ANKS1B: variants seen among roughly 807,000 people sequenced by gnomAD.
The protein encoded by ANKS1B is ankyrin repeat and sterile alpha motif domain-containing protein 1B.
A neutral mutation model predicts 148.3 loss-of-function variants in ANKS1B; 36 were observed. The ratio of observed to expected loss-of-function variants is 0.24; its 90% CI spans 0.19 to 0.32. The LOEUF (loss-of-function observed/expected upper bound fraction) is 0.32. ANKS1B is among the 10% of genes least tolerant of loss of function. The probability of loss-of-function intolerance (pLI) is 1.00; values close to 1 mark genes in which losing one functional copy is unlikely to be tolerated. For missense variants in ANKS1B, 1,157 were observed against 1,542.6 expected (o/e 0.75, Z 4.19); for synonymous variants, 542 against 560.8 (o/e 0.97, Z 0.47).
chr12:99,191,304 A>G (rs1218783264), intron 14 of ANKS1B, among the ~76,000 whole-genome samples: 1 of 152,236 alleles, frequency 6.6e-6, no homozygotes, highest in Non-Finnish European at 1.5e-5. Context: ...TCAAGGATCT[A>G]GAACCAGAAA....
chr12:99,671,392 C>CA (rs901150860), intron 8 of ANKS1B, among the ~76,000 whole-genome samples: 4 of 151,820 alleles, frequency 2.6e-5, no homozygotes, highest in African/African-American at 4.8e-5. Flanking sequence ...CATGTTTGAT[C>CA]AAAAAAATGT....
intron 17 of ANKS1B, among the ~76,000 whole-genome samples, chr12:98,834,883 G>C (rs962468901): frequency 1.2e-4 from 19 of 152,090 alleles, no homozygotes; most frequent in Admixed American, 7.2e-4. Flanking sequence ...CCTTTTCAAA[G>C]GTATTTTGCA....
chr12:99,859,281 A>G (rs921101813), intron 1 of ANKS1B, among the ~76,000 whole-genome samples: 2 of 152,248 alleles, frequency 1.3e-5, no homozygotes, highest in African/African-American at 4.8e-5. Flanking sequence ...TGCTGCTAAC[A>G]GTGAAGAACT....
rs1306863404 is a variant in ANKS1B at position 99,476,043 on chromosome 12, TAATC to T, written c.1438+28429_1438+28432del. Among the ~76,000 whole-genome samples, 7 of 152,256 alleles carry T rather than the reference TAATC, an allele frequency of 4.6e-5. No homozygotes were observed. In the East Asian group the frequency reaches 1.4e-3, roughly 29 times the overall value. On this transcript the variant is annotated intron_variant, in intron 10 of 26. Coordinates refer to ENST00000683438, the MANE Select transcript of ANKS1B (RefSeq NM_001352186.2). The stretch of plus-strand genomic sequence containing the variant: ...ATAGCCTGGGATAAGGGAGAATTCT[TAATC>T]AAGACAAGAAACCTAGAAGAAAGAA...
At chr12:98,737,064 G>C (rs1053366974) in intron 9 of ANKS1B, among the ~76,000 whole-genome samples, 2 of 152,150 alleles carry the variant, frequency 1.3e-5, no homozygotes. Context: ...TAAAGCTCCT[G>C]AAGCACTTAT....
chr12:99,524,718 G>A (rs1394613596), intron 9 of ANKS1B, among the ~76,000 whole-genome samples: 3 of 152,148 alleles, frequency 2.0e-5, no homozygotes, highest in East Asian at 1.9e-4. Flanking sequence ...AGCAAGGGAC[G>A]TCTTACATGG....
chr12:99,761,456 C>T (rs111442438), intron 8 of ANKS1B, among the ~76,000 whole-genome samples: 1 of 152,014 alleles, frequency 6.6e-6, no homozygotes, highest in Admixed American at 6.6e-5. Context: ...ATATGATCAT[C>T]TCAATAGATG....
chr12:99,087,028 C>A (rs6538896), intron 15 of ANKS1B, among the ~76,000 whole-genome samples: 114,557 of 152,110 alleles, frequency 0.75, 43,376 homozygotes, highest in East Asian at 0.91. Flanking sequence ...GGTGGATTTG[C>A]AAACTATCAG....
downstream of ANKS1B, among the ~76,000 whole-genome samples, chr12:98,740,734 AAACT>A (rs2153352220): frequency 6.6e-6 from 1 of 152,312 alleles, no homozygotes; most frequent in African/African-American, 2.4e-5. Flanking sequence ...TGCTCAGCTA[AAACT>A]AACAATTGCA....
chr12:99,914,724 G>C (rs1037456466), intron 1 of ANKS1B, among the ~76,000 whole-genome samples: 1 of 152,034 alleles, frequency 6.6e-6, no homozygotes, highest in Non-Finnish European at 1.5e-5. Flanking sequence ...GTGATATTTA[G>C]GGGGGTGTAC....
At chr12:99,666,542 T>A (rs982519341) in intron 8 of ANKS1B, among the ~76,000 whole-genome samples, 6 of 151,734 alleles carry the variant, frequency 4.0e-5, no homozygotes, top group African/African-American at 1.5e-4. Flanking sequence ...TTTGTAGGGG[T>A]GGTATATCTT....
Position 99,053,287 on chromosome 12 carries a change from C to T in ANKS1B, c.2648G>A (p.Gly883Asp). The T allele has an allele frequency of 6.2e-7, 1 of 1,608,848 alleles. No homozygotes were observed. Among genetic ancestry groups the T allele is most frequent in the Non-Finnish European group, 8.5e-7 (1 of 1,177,676 alleles). ...CTCAGCTACAGAGGTGGGATGGTAGCCATCATGCCCAATGGGTCTCATCTG... is the reference window on the plus strand; with the variant it reads ...CTCAGCTACAGAGGTGGGATGGTAGTCATCATGCCCAATGGGTCTCATCTG... ...LPKMRPIGHD[G>D]YHPTSVAEWL... is the part of the protein sequence containing the mutation. Residue 883 changes from glycine to aspartate, a missense_variant, in exon 17 of 27, where the codon GGC becomes GAC. Gly to Asp is a moderately conservative substitution (Grantham distance 94). Around this residue, in one of 6 missense-constraint regions of ANKS1B, gnomAD observed 258 missense variants for 497.0 expected, o/e 0.52. Coordinates refer to ENST00000683438, the MANE Select transcript of ANKS1B (RefSeq NM_001352186.2).
intron 1 of ANKS1B, among the ~76,000 whole-genome samples, chr12:99,944,734 T>C (rs2095015426): frequency 6.6e-6 from 1 of 152,124 alleles, no homozygotes. Context: ...ATCTGAAAAG[T>C]ATTGTAGTCC....
chr12:98,860,079 G>A (rs755529100), intron 17 of ANKS1B, among the ~76,000 whole-genome samples: 12 of 152,178 alleles, frequency 7.9e-5, no homozygotes, highest in South Asian at 6.2e-4. Context: ...GTTTTCTCTC[G>A]TTCCGAGATG....
chr12:99,437,587 T>A (rs2095482635), intron 11 of ANKS1B, among the ~76,000 whole-genome samples: 1 of 151,820 alleles, frequency 6.6e-6, no homozygotes, highest in Non-Finnish European at 1.5e-5. Flanking sequence ...GAAAGGAGTG[T>A]AAAAACCCAT....
chr12:99,186,081 C>A (rs1387427451), intron 14 of ANKS1B, among the ~76,000 whole-genome samples: 1 of 152,156 alleles, frequency 6.6e-6, no homozygotes, highest in African/African-American at 2.4e-5. Context: ...ATGACTGAGG[C>A]TTGAATAGGC....
At chr12:99,310,070 GA>G (rs1171186396) in intron 12 of ANKS1B, among the ~76,000 whole-genome samples, 2 of 152,114 alleles carry the variant, frequency 1.3e-5, no homozygotes, top group Non-Finnish European at 2.9e-5. Context: ...TTTGGCCACA[GA>G]AATCTGTATC....
intron 8 of ANKS1B, among the ~76,000 whole-genome samples, chr12:99,660,891 T>C (rs572736796): frequency 2.0e-5 from 3 of 152,132 alleles, no homozygotes; most frequent in African/African-American, 7.2e-5. Flanking sequence ...CAGGTCTCAC[T>C]AACAGCTGAA....
intron 17 of ANKS1B, among the ~76,000 whole-genome samples, chr12:98,917,313 T>C (rs1272534677): frequency 6.6e-6 from 1 of 152,166 alleles, no homozygotes; most frequent in East Asian, 1.9e-4. Flanking sequence ...CCAGGTAGAA[T>C]GAATCCCAGG....
Sources: allele counts gnomAD v4.1 joint callset (sites outside exome capture counted in the v4.1 genomes callset), GRCh38; gene constraint gnomAD v4.1.1; regional missense constraint gnomAD v4.1.1; transcripts MANE v1.5; gene names NCBI Gene and HGNC (gene_info 2026-07-23, HGNC 2026-07-21).